The following CCNC variants were observed in gnomAD, a reference collection of about 807,000 sequenced individuals.
The protein encoded by CCNC is cyclin C.
In CCNC, 19 loss-of-function variants were observed where a neutral mutation model predicts 50.0. The observed-to-expected ratio is 0.38, with a 90% CI of 0.27 to 0.56. The LOEUF (loss-of-function observed/expected upper bound fraction) is 0.56, where lower values mean the gene tolerates loss of function less well. Among genes scored for constraint, CCNC ranks in the 20% least tolerant of loss-of-function variants. The pLI is 0.72. For synonymous variants in CCNC, 93 were observed against 103.7 expected (o/e 0.90, Z 0.63); for missense variants, 200 against 327.1 (o/e 0.61, Z 3.00).
intron 11 of CCNC, 92 bp from the exon 12 acceptor site, chr6:99,543,701 T>A: frequency 6.4e-7 from 1 of 1,570,168 alleles, no homozygotes; most frequent in Non-Finnish European, 8.7e-7. Context: ...TTCATTATTC[T>A]GTGGCACAAC....
At chr6:99,568,372 G>T in intron 1 of CCNC, 124 bp downstream of exon 1, 1 of 901,098 alleles carries the variant, frequency 1.1e-6, no homozygotes, top group Non-Finnish European at 1.7e-6. Flanking sequence ...TGACCGCTGC[G>T]GTCTCCCGTG....
intron 1 of CCNC, among the ~76,000 whole-genome samples, chr6:99,566,561 T>C (rs946594699): frequency 1.3e-5 from 2 of 152,130 alleles, no homozygotes; most frequent in Non-Finnish European, 2.9e-5. Flanking sequence ...TTCTAGTTCA[T>C]TTTGGTCACA....
chr6:99,561,245 C>T (rs1802768497), intron 4 of CCNC, 122 bp downstream of exon 4: 4 of 725,658 alleles, frequency 5.5e-6, no homozygotes, highest in East Asian at 2.5e-5. Context: ...TGATTTTGTA[C>T]AATTTTAGTA....
intron 4 of CCNC, among the ~76,000 whole-genome samples, chr6:99,560,738 C>T (rs1802742758): frequency 6.6e-6 from 1 of 152,240 alleles, no homozygotes; most frequent in Non-Finnish European, 1.5e-5. Context: ...TCTATCTTCT[C>T]TCCCTTACCT....
intron 11 of CCNC, chr6:99,544,365 A>G: frequency 1.8e-6 from 2 of 1,110,454 alleles, no homozygotes; most frequent in Non-Finnish European, 1.3e-6. Flanking sequence ...TTGTAACATT[A>G]ACTTATGAGT....
In CCNC at chr6:99,546,241, C is replaced by T. The variant is rs1447990498; in HGVS notation, c.678+154G>A. Among the ~76,000 whole-genome samples the T allele has an allele frequency of 2.0e-5, 3 of 152,334 alleles. No homozygotes were observed. In the East Asian group the frequency reaches 5.8e-4, roughly 29 times the overall value. ...TAGGCCTCCCAAAGTGCTGGGATTACAGACACAAACCACCATGCCCAGCCC... is the reference window on the plus strand; with the variant it reads ...TAGGCCTCCCAAAGTGCTGGGATTATAGACACAAACCACCATGCCCAGCCC... On this transcript the variant is annotated intron_variant, in intron 10 of 11. Transcript: ENST00000520429.
chr6:99,543,687 T>TAA, intron 11 of CCNC, 78 bp from the exon 12 acceptor site: 1 of 1,583,118 alleles, frequency 6.3e-7, no homozygotes, highest in South Asian at 1.1e-5. Context: ...TACTGACTTT[T>TAA]AAATTCATTA....
At chr6:99,558,352 TA>T in intron 5 of CCNC, 144 bp downstream of exon 5, 1 of 1,253,296 alleles carries the variant, frequency 8.0e-7, no homozygotes, top group South Asian at 2.0e-5. Context: ...TTTTGCCAGA[TA>T]CACTAGATAT....
chr6:99,568,701 G>A, upstream of CCNC: 1 of 1,459,226 alleles, frequency 6.9e-7, no homozygotes, highest in Non-Finnish European at 9.0e-7. Context: ...CCTTCACGCC[G>A]GCCGACAACA....
chr6:99,543,940 C>G (rs1416131084), intron 11 of CCNC: 29 of 1,228,800 alleles, frequency 2.4e-5, no homozygotes, highest in Non-Finnish European at 2.4e-5. Flanking sequence ...TTCTTCTAAA[C>G]AAATTTCCTA....
chr6:99,559,009 G>C (rs1055032626), intron 4 of CCNC, among the ~76,000 whole-genome samples: 1 of 152,062 alleles, frequency 6.6e-6, no homozygotes, highest in African/African-American at 2.4e-5. Context: ...TAAGGTTACA[G>C]TGTCAGTTTT....
chr6:99,568,739 A>G, upstream of CCNC: 1 of 1,398,238 alleles, frequency 7.2e-7, no homozygotes, highest in Non-Finnish European at 9.3e-7. Flanking sequence ...GTTCCTATCG[A>G]CAAAAGTTCC....
At position 99,549,564 on chromosome 6, in the gene CCNC, T is replaced by C; in HGVS notation, c.542A>G (p.Asn181Ser). 1 of 1,590,356 alleles carries C rather than the reference T, an allele frequency of 6.3e-7. No homozygotes were observed. The highest frequency in any genetic ancestry group is 8.6e-7 in the Non-Finnish European group (1 of 1,159,312). The change falls in exon 9 of 12, where the codon AAT becomes AGT. Residue 181 changes from asparagine (N) to serine (S), a missense_variant. Physicochemically the swap from Asn to Ser is conservative, Grantham distance 46 (BLOSUM62 1). Transcript: ENST00000520429. Reference sequence around the variant, plus strand: ...GCAAAGATCCGTTCTGTAGGTATCATTCACTATCCTCCTATAGAAATGTAA... The same window carrying C: ...GCAAAGATCCGTTCTGTAGGTATCACTCACTATCCTCCTATAGAAATGTAA... ...MLLPLAWRIV[N>S]DTYRTDLCLL...
intron 2 of CCNC, chr6:99,561,883 A>G (rs1280577026): frequency 9.4e-6 from 3 of 318,830 alleles, no homozygotes; most frequent in Non-Finnish European, 1.7e-5. Context: ...ATGCATAAAC[A>G]ACAACAAAAC....
chr6:99,567,353 A>G (rs1769174409), intron 1 of CCNC, among the ~76,000 whole-genome samples: 1 of 152,072 alleles, frequency 6.6e-6, no homozygotes, highest in Non-Finnish European at 1.5e-5. Flanking sequence ...TGCCCAAGCA[A>G]TATTTCAGTG....
At chr6:99,563,446 C>T (rs1342258630) in intron 1 of CCNC, among the ~76,000 whole-genome samples, 1 of 152,184 alleles carries the variant, frequency 6.6e-6, no homozygotes, top group Non-Finnish European at 1.5e-5. Flanking sequence ...CTGATAGCCT[C>T]CTCCTCTTGC....
intron 2 of CCNC, 97 bp from the exon 3 acceptor site, chr6:99,561,778 T>C: frequency 1.3e-6 from 1 of 786,048 alleles, no homozygotes; most frequent in Non-Finnish European, 2.1e-6. Flanking sequence ...CATAATTATG[T>C]TCATTTTTAA....
chr6:99,549,263 C>G (rs1420204474), intron 9 of CCNC: 2 of 560,532 alleles, frequency 3.6e-6, no homozygotes, highest in Non-Finnish European at 6.2e-6. Flanking sequence ...ATTCAGACAC[C>G]GATTAAAACT....
intron 9 of CCNC, 195 bp downstream of exon 9, chr6:99,549,312 CA>C: frequency 3.4e-6 from 2 of 595,582 alleles, no homozygotes; most frequent in Non-Finnish European, 5.9e-6. Context: ...AAAAACTTAC[CA>C]AAAAGGGGGT....
Sources: allele counts gnomAD v4.1 joint callset (sites outside exome capture counted in the v4.1 genomes callset), GRCh38; gene constraint gnomAD v4.1.1; transcripts MANE v1.5; gene names NCBI Gene and HGNC (gene_info 2026-07-23, HGNC 2026-07-21).